RETREG1: variants seen among roughly 807,000 people sequenced by gnomAD.
The protein encoded by RETREG1 is family with sequence similarity 134 member B.
In RETREG1, 44 loss-of-function variants were observed where a neutral mutation model predicts 54.8. The ratio of observed to expected loss-of-function variants is 0.80; its 90% CI spans 0.63 to 1.03. RETREG1 has a LOEUF of 1.03. Ranked by LOEUF, RETREG1 falls within the 50% of genes least tolerant of loss-of-function variation. The probability of loss-of-function intolerance (pLI) is 0.00; values close to 1 mark genes in which losing one functional copy is unlikely to be tolerated. For synonymous variants in RETREG1, 217 were observed against 238.5 expected, an observed-to-expected ratio of 0.91 and a Z score of 0.83; for missense variants, 554 against 605.1, an observed-to-expected ratio of 0.92 and a Z score of 0.89.
chr5:16,579,547 C>T (rs530726392), intron 1 of RETREG1, among the ~76,000 whole-genome samples: 1 of 152,136 alleles, frequency 6.6e-6, no homozygotes, highest in Non-Finnish European at 1.5e-5. Context: ...TGACATATAT[C>T]CACCATTATA....
intron 1 of RETREG1, among the ~76,000 whole-genome samples, chr5:16,589,388 T>C (rs1319099692): frequency 1.3e-5 from 2 of 152,124 alleles, no homozygotes; most frequent in Non-Finnish European, 2.9e-5. Flanking sequence ...GTTTATTTGT[T>C]TGTCTGTTTT....
intron 3 of RETREG1, among the ~76,000 whole-genome samples, chr5:16,532,830 A>G (rs1176300394): frequency 6.6e-6 from 1 of 152,236 alleles, no homozygotes; most frequent in Non-Finnish European, 1.5e-5. Flanking sequence ...AACTTTGAAG[A>G]CAGATAATTT....
At chr5:16,555,546 C>A (rs1741683351) in intron 3 of RETREG1, among the ~76,000 whole-genome samples, 1 of 152,114 alleles carries the variant, frequency 6.6e-6, no homozygotes, top group Admixed American at 6.6e-5. Context: ...GACGAATGAA[C>A]AAACACATAT....
At chr5:16,550,235 C>T (rs1255887740) in intron 3 of RETREG1, among the ~76,000 whole-genome samples, 5 of 151,144 alleles carry the variant, frequency 3.3e-5, no homozygotes, top group Admixed American at 6.6e-5. Context: ...ATAATAATGT[C>T]GACTTCCTTC....
intron 1 of RETREG1, among the ~76,000 whole-genome samples, chr5:16,601,156 C>T (rs1006704458): frequency 2.6e-5 from 4 of 152,118 alleles, no homozygotes; most frequent in Non-Finnish European, 5.9e-5. Flanking sequence ...TGCTTGAGGC[C>T]GGGAGTTAGA....
intron 1 of RETREG1, among the ~76,000 whole-genome samples, chr5:16,610,269 C>G (rs1743300307): frequency 6.6e-6 from 1 of 152,220 alleles, no homozygotes; most frequent in South Asian, 2.1e-4. Context: ...TGACCCAGGT[C>G]TCCCGCCAGG....
intron 3 of RETREG1, among the ~76,000 whole-genome samples, chr5:16,492,400 A>C (rs1739286884): frequency 6.6e-6 from 1 of 152,110 alleles, no homozygotes; most frequent in Non-Finnish European, 1.5e-5. Flanking sequence ...ATTTATAAGA[A>C]ATGGAAGTTG....
chr5:16,607,184 T>C (rs1257549640), intron 1 of RETREG1, among the ~76,000 whole-genome samples: 1 of 152,156 alleles, frequency 6.6e-6, no homozygotes, highest in Non-Finnish European at 1.5e-5. Flanking sequence ...ACATCCGGCC[T>C]TTTCTGGCAT....
At chr5:16,557,179 C>T (rs1741734040) in intron 3 of RETREG1, among the ~76,000 whole-genome samples, 1 of 152,146 alleles carries the variant, frequency 6.6e-6, no homozygotes, top group African/African-American at 2.4e-5. Flanking sequence ...TGAAGATCCA[C>T]GTCAATTTCC....
intron 3 of RETREG1, among the ~76,000 whole-genome samples, chr5:16,497,584 G>A (rs912031997): frequency 2.6e-4 from 40 of 152,102 alleles, no homozygotes; most frequent in African/African-American, 8.2e-4. Context: ...AACAGGGGTC[G>A]GGGGCAGATA....
At position 16,616,822 on chromosome 5, in the gene RETREG1, C is replaced by T. The variant is rs1004003768; in HGVS notation, c.150G>A (p.Ala50=). The T allele has an allele frequency of 1.3e-6, 2 of 1,516,714 alleles. No homozygotes were observed. The highest frequency in any genetic ancestry group is 2.9e-5 in the African/African-American group (2 of 69,782). The allele number at this position is 1,516,714 out of a possible 1,614,324, so 94.0% of individuals were successfully genotyped here. Residue 50 remains alanine (A), a synonymous_variant, in exon 1 of 9, where the codon GCG becomes GCA. Transcript: ENST00000306320. ...QEEEAQEAGA[A]EGAGLQVEEA... is the part of the protein sequence containing the mutation. ...CCTCCACCTGCAACCCCGCGCCCTC[C>T]GCCGCCCCAGCTTCCTGCGCTTCCT...
At chr5:16,541,270 T>A (rs1256676685) in intron 3 of RETREG1, among the ~76,000 whole-genome samples, 1 of 152,154 alleles carries the variant, frequency 6.6e-6, no homozygotes, top group Non-Finnish European at 1.5e-5. Context: ...TCCAGAACAG[T>A]GAGCAATAAA....
intron 1 of RETREG1, among the ~76,000 whole-genome samples, chr5:16,583,479 C>T (rs937774308): frequency 1.1e-4 from 16 of 151,898 alleles, no homozygotes; most frequent in African/African-American, 3.4e-4. Flanking sequence ...GACGATGGAG[C>T]GAGACTCTGT....
intron 3 of RETREG1, among the ~76,000 whole-genome samples, chr5:16,537,954 G>A (rs781256822): frequency 6.6e-6 from 1 of 152,174 alleles, no homozygotes; most frequent in African/African-American, 2.4e-5. Flanking sequence ...CTCCAGTATA[G>A]TCACAGAATC....
At chr5:16,500,337 A>G (rs940146596) in intron 3 of RETREG1, among the ~76,000 whole-genome samples, 10 of 152,174 alleles carry the variant, frequency 6.6e-5, no homozygotes, top group Non-Finnish European at 4.4e-5. Context: ...AGCAGGTGCC[A>G]TGGTTTTAAG....
rs1254203192 is a variant in RETREG1, at chr5:16,483,143, A to G, written c.585+203T>C. 1.2e-5 allele frequency: 7 copies of G among 588,988 alleles called. No homozygotes were observed. In the East Asian group the frequency reaches 2.0e-4, roughly 17 times the overall value. The allele number at this position is 588,988 out of a possible 1,614,324, so 36.5% of individuals were successfully genotyped here. ...TATATATAAAATGTAAAACCAATCC[A>G]ATTTCACAATGTGAGGCTGAGGATT... On this transcript the variant is annotated intron_variant, in intron 4 of 8. Coordinates refer to ENST00000306320, the MANE Select transcript of RETREG1 (RefSeq NM_001034850.3).
At chr5:16,601,088 T>TG (rs1743039245) in intron 1 of RETREG1, among the ~76,000 whole-genome samples, 1 of 152,118 alleles carries the variant, frequency 6.6e-6, no homozygotes, top group African/African-American at 2.4e-5. Flanking sequence ...GAAAACAGGC[T>TG]GGGTGTGGTG....
At chr5:16,521,974 G>A (rs986100624) in intron 3 of RETREG1, among the ~76,000 whole-genome samples, 1 of 152,152 alleles carries the variant, frequency 6.6e-6, no homozygotes. Flanking sequence ...GGCACTCTTT[G>A]CCACGTACCA....
chr5:16,474,399 A>T lies in RETREG1; in HGVS notation c.*342T>A. Reference sequence around the variant, plus strand: ...ATAAACTGTTTTGCATGCTTGAAAAACTGTAAAGAAAAAGAATATTTATAG... The same window carrying T: ...ATAAACTGTTTTGCATGCTTGAAAATCTGTAAAGAAAAAGAATATTTATAG... On this transcript the variant is annotated 3_prime_UTR_variant, in exon 9 of 9. Coordinates refer to ENST00000306320, the MANE Select transcript of RETREG1 (RefSeq NM_001034850.3). The T allele has an allele frequency of 4.6e-6, 1 of 216,090 alleles. No homozygotes were observed. Among genetic ancestry groups the T allele is most frequent in the African/African-American group, 2.3e-5 (1 of 42,694 alleles). 13.4% of individuals were successfully genotyped at this position (216,090 alleles called of 1,614,324 possible). A position where few individuals can be genotyped will look rare whatever the true frequency, so the allele number is the denominator to read the frequency against.
Sources: gnomAD v4.1 joint callset for allele counts (sites outside exome capture counted in the v4.1 genomes callset) on GRCh38, gnomAD v4.1.1 for gene constraint, MANE v1.5 for transcripts, NCBI Gene and HGNC (gene_info 2026-07-23, HGNC 2026-07-21) for gene names.